AAAS: variants seen among roughly 807,000 people sequenced by gnomAD.
The protein encoded by AAAS is aladin.
AAAS carries 60 observed loss-of-function variants against 75.6 expected under a neutral mutation model. The ratio of observed to expected loss-of-function variants is 0.79; its 90% CI spans 0.64 to 0.98. The LOEUF is 0.98. Among genes scored for constraint, AAAS ranks in the 50% least tolerant of loss-of-function variants. The pLI is 0.00. For missense variants in AAAS, 658 were observed against 686.9 expected, an observed-to-expected ratio of 0.96 and a Z score of 0.47; for synonymous variants, 271 against 265.0, an observed-to-expected ratio of 1.02 and a Z score of -0.22.
chr12:53,317,073 G>C (rs1944473806), intron 2 of AAAS, among the ~76,000 whole-genome samples: 1 of 152,020 alleles, frequency 6.6e-6, no homozygotes, highest in South Asian at 2.1e-4. Context: ...CTGGGCAACA[G>C]AGCAAGATGC....
intron 2 of AAAS, among the ~76,000 whole-genome samples, chr12:53,316,921 A>AAAAATACAAAAC (rs1944471917): frequency 2.0e-5 from 3 of 150,678 alleles, no homozygotes; most frequent in African/African-American, 7.3e-5. Context: ...CTCTACAAAA[A>AAAAATACAAAAC]AAAATACAAA....
In AAAS at chr12:53,321,583, A is replaced by C; in HGVS notation, c.-118T>G. The C allele has an allele frequency of 6.4e-7, 1 of 1,557,426 alleles. No homozygotes were observed. Among genetic ancestry groups the C allele is most frequent in the South Asian group, 1.1e-5 (1 of 89,640 alleles). ...TATGCGGACGGGTACCGCAAGGGAC[A>C]AACGGCGAGGCGGAACTCAACGGAA... On this transcript the variant is annotated 5_prime_UTR_variant, in exon 1 of 16. Transcript: ENST00000209873.
Position 53,309,728 on chromosome 12 carries a change from G to C in AAAS, c.690-7C>G, listed in dbSNP as rs1171674823. 6.2e-7 allele frequency: 1 copy of C among 1,612,630 alleles called. No homozygotes were observed. The highest frequency in any genetic ancestry group is 2.2e-5 in the East Asian group (1 of 44,850). The stretch of plus-strand genomic sequence containing the variant: ...GGCACAGCCAGAAGAGGGTCTGGAG[G>C]GGAACACAGAGGATGTGGAGTCAGA... On this transcript the variant is annotated splice_region_variant and splice_polypyrimidine_tract_variant and intron_variant, in intron 7 of 15. Coordinates refer to ENST00000209873, the MANE Select transcript of AAAS (RefSeq NM_015665.6).
intron 7 of AAAS, among the ~76,000 whole-genome samples, chr12:53,313,555 C>A (rs915134459): frequency 2.6e-5 from 4 of 151,646 alleles, no homozygotes; most frequent in Admixed American, 2.6e-4. Context: ...CACGCCTTGG[C>A]CTCCCAAAAT....
rs115032104 is a variant in AAAS, at chr12:53,321,101, A to G, written c.123+242T>C. 944 of 609,330 alleles carry G rather than the reference A, an allele frequency of 1.5e-3. 3 individuals carry two copies. The highest frequency in any genetic ancestry group is 0.015 in the African/African-American group (827 of 53,992). The allele number at this position is 609,330 out of a possible 1,614,324, so 37.7% of individuals were successfully genotyped here. ...GTTCTCCCGCATCCTCACACTCCCT[A>G]GATTCTCCCTCATTCTCTCCATTCC... On this transcript the variant is annotated intron_variant, in intron 1 of 15. Transcript: ENST00000209873.
In AAAS at chr12:53,320,694, T is replaced by C; in HGVS notation, c.124-2A>G. The C allele has an allele frequency of 1.9e-6, 3 of 1,614,050 alleles. No individual in the cohort carries two copies. Among genetic ancestry groups the C allele is most frequent in the Non-Finnish European group, 2.5e-6 (3 of 1,179,946 alleles). On this transcript the variant is annotated splice_acceptor_variant, in intron 1 of 15. Transcript: ENST00000209873. LOFTEE classifies it high-confidence loss of function. ...TTGTAGGACAGGAAGATTGATCCAC[T>C]ATAGCACAAAAGTGAGGAGTGTGAC...
chr12:53,319,596 G>A lies in AAAS; in HGVS notation c.251+969C>T, dbSNP rs545316865. Among the ~76,000 whole-genome samples, 63 of 152,222 alleles carry A rather than the reference G, an allele frequency of 4.1e-4. 3 individuals are homozygous for A. The East Asian group carries it at 6.8e-3, about 16-fold the overall frequency. Reference sequence around the variant, plus strand: ...GGAGGCCAAGGCAGGCCTGAGGTCAGGAGGCCAGACCACCCTGGCCAACAT... The same window carrying A: ...GGAGGCCAAGGCAGGCCTGAGGTCAAGAGGCCAGACCACCCTGGCCAACAT... On this transcript the variant is annotated intron_variant, in intron 2 of 15. Transcript: ENST00000209873.
intron 7 of AAAS, among the ~76,000 whole-genome samples, chr12:53,310,955 T>TA (rs890354645): frequency 1.7e-4 from 26 of 152,264 alleles, no homozygotes; most frequent in South Asian, 6.2e-4. Context: ...CATAATGCTG[T>TA]AAAAAATATT....
chr12:53,318,250 G>GTGTGCGTT (rs1944496213), intron 2 of AAAS, among the ~76,000 whole-genome samples: 1 of 129,746 alleles, frequency 7.7e-6, no homozygotes, highest in Non-Finnish European at 1.6e-5. Flanking sequence ...GTGTGCGTGT[G>GTGTGCGTT]TGTGTGTGTG....
In AAAS at chr12:53,308,743, A is replaced by G. The variant is rs767296673; in HGVS notation, c.1069T>C (p.Ser357Pro). 9 of 1,614,038 alleles carry G rather than the reference A, an allele frequency of 5.6e-6. No homozygotes were observed. The highest frequency in any genetic ancestry group is 7.6e-6 in the Non-Finnish European group (9 of 1,180,056). Residue 357 changes from serine (S) to proline (P), a missense_variant, in exon 11 of 16, where the codon TCT becomes CCT. By Grantham distance (74) the Ser-to-Pro change is moderately conservative (BLOSUM62 -1). Coordinates refer to ENST00000209873, the MANE Select transcript of AAAS (RefSeq NM_015665.6). Reference protein sequence around the residue: ...VLGEPLIYSLSFPERCGEGKG... With the variant: ...VLGEPLIYSLPFPERCGEGKG... ...AACTCACCACAACGTTCTGGAAAAGACAGGGAGTAAATCAGTGGCTCTCCC... is the reference window on the plus strand; with the variant it reads ...AACTCACCACAACGTTCTGGAAAAGGCAGGGAGTAAATCAGTGGCTCTCCC...
Position 53,315,388 on chromosome 12 carries a change from C to T in AAAS, c.346G>A (p.Ala116Thr). The T allele has an allele frequency of 6.2e-7, 1 of 1,613,882 alleles. No individual in the cohort carries two copies. Among genetic ancestry groups the T allele is most frequent in the Non-Finnish European group, 8.5e-7 (1 of 1,180,014 alleles). Reference protein sequence around the residue: ...WVKTASGWALALCRWASSLHG... With the variant: ...WVKTASGWALTLCRWASSLHG... ...AGGGAAGAGGCCCATCGACAGAGTG[C>T]CAGGGCCCAGCCGGATGCCGTCTTC... The change falls in exon 4 of 16, where the codon GCA becomes ACA. Residue 116 changes from alanine to threonine, a missense_variant. Physicochemically the swap from Ala to Thr is moderately conservative, Grantham distance 58 (BLOSUM62 0). Transcript: ENST00000209873.
chr12:53,308,336 CCT>C lies in AAAS; in HGVS notation c.1193_1194del (p.Glu398GlyfsTer27). On this transcript the variant is annotated frameshift_variant, in exon 13 of 16. Transcript: ENST00000209873. LOFTEE classifies it high-confidence loss of function. ...CTGGGGTCCCAGACCATGGAGTGAG[CCT>C]CTCCCCCAAGCCTGTGGGTAAGGAC... ...TPDGEERLGG[E>X]AHSMVWDPSG... The C allele has an allele frequency of 6.2e-7, 1 of 1,614,150 alleles. No homozygotes were observed. The highest frequency in any genetic ancestry group is 1.1e-5 in the South Asian group (1 of 91,078).
rs746421299 is a variant in AAAS, at chr12:53,309,693, A to G, written c.718T>C (p.Ser240Pro). 1 of 1,613,442 alleles carries G rather than the reference A, an allele frequency of 6.2e-7. No homozygotes were observed. The highest frequency in any genetic ancestry group is 1.1e-5 in the South Asian group (1 of 90,782). Residue 240 changes from serine to proline, a missense_variant, in exon 8 of 16, where the codon TCT becomes CCT. Coordinates refer to ENST00000209873, the MANE Select transcript of AAAS (RefSeq NM_015665.6). ...GTAACAGGTGTATGCCCAGGGTGAGACAGCACTTGGGCACAGCCAGAAGAG... is the reference window on the plus strand; with the variant it reads ...GTAACAGGTGTATGCCCAGGGTGAGGCAGCACTTGGGCACAGCCAGAAGAG... ...RPSSGCAQVL[S>P]HPGHTPVTSL...
rs1944559428 is a variant in AAAS, at chr12:53,321,577, A to AG, written c.-113dup. On this transcript the variant is annotated 5_prime_UTR_variant, in exon 1 of 16. Transcript: ENST00000209873. ...GATTCGTATGCGGACGGGTACCGCA[A>AG]GGGACAAACGGCGAGGCGGAACTCA... The AG allele has an allele frequency of 6.4e-7, 1 of 1,570,390 alleles. No individual in the cohort carries two copies.
intron 7 of AAAS, among the ~76,000 whole-genome samples, chr12:53,311,734 G>A (rs1286567276): frequency 3.3e-5 from 5 of 152,086 alleles, no homozygotes; most frequent in African/African-American, 9.7e-5. Flanking sequence ...GGCCAATATG[G>A]TGAAACCCCT....
Position 53,308,783 on chromosome 12 carries a change from C to A in AAAS, c.1029G>T (p.Leu343=). 6.2e-7 allele frequency: 1 copy of A among 1,614,120 alleles called. No individual in the cohort carries two copies. The highest frequency in any genetic ancestry group is 8.5e-7 in the Non-Finnish European group (1 of 1,180,048). ...TGCWSPDGSR[L]LFTVLGEPLI... is the part of the protein sequence containing the mutation. ...GTGGCTCTCCCAATACAGTGAACAG[C>A]AGTCGGCTGCCATCTGGGCTCCAGC... Residue 343 remains leucine (L), a synonymous_variant, in exon 11 of 16, where the codon CTG becomes CTT. Transcript: ENST00000209873.
intron 5 of AAAS, 101 bp from the exon 6 acceptor site, chr12:53,314,950 T>G: frequency 6.7e-7 from 1 of 1,488,830 alleles, no homozygotes; most frequent in East Asian, 2.3e-5. Flanking sequence ...TCCTACTTTT[T>G]CTTGTATTCT....
At position 53,314,667 on chromosome 12, in the gene AAAS, G is replaced by T. The variant is rs948423691; in HGVS notation, c.545+84C>A. The stretch of plus-strand genomic sequence containing the variant: ...AAGGAGCCCCATGAATCAGGTTCAA[G>T]AACTACAGGACTCCCCGGAACCAAG... On this transcript the variant is annotated intron_variant, in intron 6 of 15. Transcript: ENST00000209873. 10 of 1,456,652 alleles carry T rather than the reference G, an allele frequency of 6.9e-6. No individual in the cohort carries two copies. In the African/African-American group the frequency reaches 1.3e-4, roughly 18 times the overall value. 90.2% of individuals were successfully genotyped at this position (1,456,652 alleles called of 1,614,324 possible). A position where few individuals can be genotyped will look rare whatever the true frequency, so the allele number is the denominator to read the frequency against.
chr12:53,315,513 C>T lies in AAAS; in HGVS notation c.308-87G>A, dbSNP rs552913859. On this transcript the variant is annotated intron_variant, in intron 3 of 15. Transcript: ENST00000209873. ...TAGGTGAAAGACAAGGAAGGACAGG[C>T]ACTCCCCAGGTCCTTCTGCCCAGTA... The T allele has an allele frequency of 2.3e-4, 298 of 1,317,474 alleles. No individual in the cohort carries two copies. The African/African-American group carries it at 3.6e-3, about 16-fold the overall frequency. 81.6% of individuals were successfully genotyped at this position (1,317,474 alleles called of 1,614,324 possible). A position where few individuals can be genotyped will look rare whatever the true frequency, so the allele number is the denominator to read the frequency against.
Sources: gnomAD v4.1 joint callset for allele counts (sites outside exome capture counted in the v4.1 genomes callset) on GRCh38, gnomAD v4.1.1 for gene constraint, MANE v1.5 for transcripts, NCBI Gene and HGNC (gene_info 2026-07-23, HGNC 2026-07-21) for gene names.